Variants in HSPA12A observed in about 807,000 individuals in gnomAD.
HSPA12A encodes the protein heat shock 70 kDa protein 12A.
A neutral mutation model predicts 69.2 loss-of-function variants in HSPA12A; 28 were observed. That is an observed-to-expected ratio of 0.40 (90% CI 0.30 to 0.55). The LOEUF (loss-of-function observed/expected upper bound fraction) is 0.55. Among genes scored for constraint, HSPA12A ranks in the 20% least tolerant of loss-of-function variants. The probability of loss-of-function intolerance (pLI) is 0.38; values close to 1 mark genes in which losing one functional copy is unlikely to be tolerated. For synonymous variants in HSPA12A, 345 were observed against 370.5 expected (o/e 0.93, Z 0.79); for missense variants, 686 against 900.7 (o/e 0.76, Z 3.05).
chr10:116,822,184 C>G (rs568870119), intron 2 of HSPA12A, among the ~76,000 whole-genome samples: 52 of 152,180 alleles, frequency 3.4e-4, no homozygotes, highest in Admixed American at 3.3e-3. Flanking sequence ...TTTGTCCATA[C>G]GGGAACTGTC....
At chr10:116,683,166 C>G (rs373440667) in intron 7 of HSPA12A, among the ~76,000 whole-genome samples, 1 of 152,108 alleles carries the variant, frequency 6.6e-6, no homozygotes, top group East Asian at 1.9e-4. Flanking sequence ...CTATAGCCCT[C>G]GACACACCCA....
intron 2 of HSPA12A, among the ~76,000 whole-genome samples, chr10:116,824,720 C>T (rs1453051481): frequency 2.6e-5 from 4 of 152,162 alleles, no homozygotes; most frequent in African/African-American, 4.8e-5. Flanking sequence ...CTGCAGGCTC[C>T]GCCTGCCGGT....
intron 2 of HSPA12A, among the ~76,000 whole-genome samples, chr10:116,817,073 G>A (rs919718104): frequency 6.6e-6 from 1 of 152,170 alleles, no homozygotes; most frequent in African/African-American, 2.4e-5. Flanking sequence ...CAGAAAGAAA[G>A]AATCATTCTT....
rs1195653315 is a variant in HSPA12A at position 116,742,561 on chromosome 10, G to T, written c.-92C>A. The T allele has an allele frequency of 1.7e-6, 2 of 1,159,582 alleles. No homozygotes were observed. Among genetic ancestry groups the T allele is most frequent in the African/African-American group, 3.2e-5 (2 of 61,544 alleles). 71.8% of individuals were successfully genotyped at this position (1,159,582 alleles called of 1,614,324 possible). A position where few individuals can be genotyped will look rare whatever the true frequency, so the allele number is the denominator to read the frequency against. ...CCGCGTCCGCGGCGGCGCTCGGGCC[G>T]TGTCTGAGCCGCCGGGCAGCGGGAG... On this transcript the variant is annotated 5_prime_UTR_variant, in exon 1 of 12. Coordinates refer to ENST00000369209, the MANE Select transcript of HSPA12A (RefSeq NM_025015.3).
intron 2 of HSPA12A, among the ~76,000 whole-genome samples, chr10:116,824,080 A>C (rs1194645262): frequency 6.6e-6 from 1 of 152,238 alleles, no homozygotes; most frequent in Non-Finnish European, 1.5e-5. Context: ...AACCCAATTT[A>C]AAAATGGACA....
At chr10:116,677,325 A>C (rs1258270978) in intron 10 of HSPA12A, among the ~76,000 whole-genome samples, 1 of 152,130 alleles carries the variant, frequency 6.6e-6, no homozygotes, top group East Asian at 1.9e-4. Context: ...TCTGTCCCTG[A>C]TGCAAAGTGC....
intron 6 of HSPA12A, among the ~76,000 whole-genome samples, chr10:116,690,638 T>C (rs954486245): frequency 1.3e-5 from 2 of 151,992 alleles, no homozygotes; most frequent in Non-Finnish European, 2.9e-5. Context: ...CTGCAGGCCT[T>C]TTTCTCTCTG....
rs532711825 is a variant in HSPA12A, at chr10:116,830,137, T to C, written c.91+4798A>G. ...ATGGAAAAACTCAAGAACACTATTC[T>C]AGCCAGGCATCCTCCTCCTCTAATG... On this transcript the variant is annotated intron_variant, in intron 2 of 12. Coordinates refer to the HSPA12A transcript ENST00000635765. The C allele has an allele frequency of 5.9e-5, 9 of 152,332 alleles. No homozygotes were observed. The East Asian group carries it at 1.5e-3, about 26-fold the overall frequency. The allele number at this position is 152,332 out of a possible 1,614,324, so 9.4% of individuals were successfully genotyped here. A position where few individuals can be genotyped will look rare whatever the true frequency, so the allele number is the denominator to read the frequency against.
chr10:116,849,567 A>G (rs751039001), exon 1 of HSPA12A: 5 of 1,539,392 alleles, frequency 3.2e-6, no homozygotes, highest in South Asian at 2.4e-5. Context: ...ATCTCCTACC[A>G]TGGAGGAAGA....
rs369173630 is a variant in HSPA12A at position 116,734,647 on chromosome 10, C to A, written c.40+7783G>T. Among the ~76,000 whole-genome samples, 469 of 104,112 alleles carry A rather than the reference C, an allele frequency of 4.5e-3. 6 individuals are homozygous for A. The highest frequency in any genetic ancestry group is 0.014 in the African/African-American group (446 of 30,890). 68.3% of individuals were successfully genotyped at this position (104,112 alleles called of 152,430 possible). The stretch of plus-strand genomic sequence containing the variant: ...AAAGGTAGTTGCATCTACAGATTTT[C>A]AGCTTTTTTTTTTTTTTTGCTTTTT... On this transcript the variant is annotated intron_variant, in intron 1 of 11. Coordinates refer to ENST00000369209, the MANE Select transcript of HSPA12A (RefSeq NM_025015.3).
upstream of HSPA12A, chr10:116,742,614 G>A (rs1851552912): frequency 4.6e-6 from 5 of 1,075,730 alleles, no homozygotes; most frequent in Non-Finnish European, 5.6e-6. Flanking sequence ...AGCCGCCGCA[G>A]CCACGGCTCC....
chr10:116,761,519 G>C (rs554324474), intron 2 of HSPA12A, among the ~76,000 whole-genome samples: 1 of 151,398 alleles, frequency 6.6e-6, no homozygotes. Context: ...AATTAGCCAG[G>C]CTAACTAGTG....
chr10:116,806,244 G>A (rs4752012), intron 2 of HSPA12A, among the ~76,000 whole-genome samples: 64,779 of 151,920 alleles, frequency 0.43, 14,018 homozygotes, highest in Admixed American at 0.5. Flanking sequence ...ACTCTTGCCC[G>A]GGATGGAGTG....
intron 1 of HSPA12A, among the ~76,000 whole-genome samples, chr10:116,722,478 G>A (rs1488712201): frequency 1.3e-5 from 2 of 152,124 alleles, no homozygotes; most frequent in Non-Finnish European, 2.9e-5. Context: ...ACCACACTGA[G>A]GACATTCTGG....
At chr10:116,716,587 C>T (rs782081940) in intron 1 of HSPA12A, among the ~76,000 whole-genome samples, 7 of 152,164 alleles carry the variant, frequency 4.6e-5, no homozygotes, top group Admixed American at 1.3e-4. Context: ...AGCAGTCATA[C>T]GTGGGCTGCA....
chr10:116,757,951 A>G (rs1424481274), intron 2 of HSPA12A, among the ~76,000 whole-genome samples: 2 of 152,260 alleles, frequency 1.3e-5, no homozygotes, highest in Non-Finnish European at 2.9e-5. Flanking sequence ...CAATGCACTA[A>G]CATATCAATA....
intron 3 of HSPA12A, 59 bp from the exon 4 acceptor site, chr10:116,701,188 C>A: frequency 6.5e-7 from 1 of 1,549,160 alleles, no homozygotes; most frequent in Non-Finnish European, 8.8e-7. Flanking sequence ...ATTCAGGCAG[C>A]ACAGATTTGA....
intron 2 of HSPA12A, among the ~76,000 whole-genome samples, chr10:116,796,145 C>CAAAAAAAAAAAA (rs10522145): frequency 2.7e-5 from 3 of 110,686 alleles, no homozygotes; most frequent in Non-Finnish European, 1.7e-5. Flanking sequence ...AAGACTCCAT[C>CAAAAAAAAAAAA]AAAAAAAAAA....
At chr10:116,803,953 C>T (rs1328535453) in intron 2 of HSPA12A, among the ~76,000 whole-genome samples, 3 of 152,204 alleles carry the variant, frequency 2.0e-5, no homozygotes, top group South Asian at 2.1e-4. Flanking sequence ...TATTAGGTCC[C>T]CCAGTAAAAG....
Sources: allele counts gnomAD v4.1 joint callset (sites outside exome capture counted in the v4.1 genomes callset), GRCh38; gene constraint gnomAD v4.1.1; transcripts MANE v1.5; gene names NCBI Gene and HGNC (gene_info 2026-07-23, HGNC 2026-07-21).